Variants in EMG1 observed in about 807,000 individuals in gnomAD.
The protein encoded by EMG1 is ribosomal RNA small subunit methyltransferase NEP1.
In EMG1, 24 loss-of-function variants were observed where a neutral mutation model predicts 26.9. The ratio of observed to expected loss-of-function variants is 0.89; its 90% CI spans 0.65 to 1.26. The LOEUF is 1.26. EMG1 is among the 50% of genes most tolerant of loss of function. The probability of loss-of-function intolerance (pLI) is 0.00; values close to 1 mark genes in which losing one functional copy is unlikely to be tolerated. For synonymous variants in EMG1, 140 were observed against 112.6 expected (o/e 1.24, Z -1.54); for missense variants, 299 against 307.6 (o/e 0.97, Z 0.21).
At chr12:6,983,868 C>G (rs1555154480), downstream of EMG1, among the ~76,000 whole-genome samples, 1 of 152,172 alleles carries the variant, frequency 6.6e-6, no homozygotes, top group East Asian at 1.9e-4. Flanking sequence ...GGAAGCTAGG[C>G]ATGGTGGCTC....
chr12:6,977,385 C>A lies in EMG1; in HGVS notation c.*1576C>A. On this transcript the variant is annotated 3_prime_UTR_variant, in exon 6 of 6. Coordinates refer to ENST00000599672, the MANE Select transcript of EMG1 (RefSeq NM_006331.8). This position sits in a 1 kb window ranked among gnomAD's most constrained non-coding sequence, Gnocchi z 4.5. ...CACTTGCCTTAAGCCATTTGTCCCA[C>A]GTGAAGAGGCAGAAGGCAGTCATGG... 1 of 1,614,168 alleles carries A rather than the reference C, an allele frequency of 6.2e-7. No individual in the cohort carries two copies. Among genetic ancestry groups the A allele is most frequent in the Non-Finnish European group, 8.5e-7 (1 of 1,180,026 alleles).
Position 6,974,600 on chromosome 12 carries a change from C to T in EMG1, c.319C>T (p.Gln107Ter), listed in dbSNP as rs1555152797. The T allele has an allele frequency of 3.1e-6, 5 of 1,613,990 alleles. No homozygotes were observed. Among genetic ancestry groups the T allele is most frequent in the Non-Finnish European group, 8.5e-7 (1 of 1,179,878 alleles). ...DSPLNRAGLL[Q>*]VYIHTQKNVL... ...TCCCCTGAACCGAGCTGGCTTGCTACAGGTTTATATCCATACACAGAAGAA... is the reference window on the plus strand; with the variant it reads ...TCCCCTGAACCGAGCTGGCTTGCTATAGGTTTATATCCATACACAGAAGAA... Residue 107 changes from glutamine (Q) to a stop codon, truncating the protein, a stop_gained, in exon 3 of 6, where the codon CAG becomes TAG. Coordinates refer to ENST00000599672, the MANE Select transcript of EMG1 (RefSeq NM_006331.8). LOFTEE classifies it high-confidence loss of function.
chr12:6,996,136 A>G (rs1018202992), intron 7 of EMG1, among the ~76,000 whole-genome samples: 7 of 151,586 alleles, frequency 4.6e-5, no homozygotes, highest in African/African-American at 1.4e-4. Context: ...CCTCTGACTC[A>G]TCTCTCAATC....
intron 1 of EMG1, among the ~76,000 whole-genome samples, chr12:6,973,633 C>G (rs1454169037): frequency 1.3e-5 from 2 of 152,174 alleles, no homozygotes; most frequent in African/African-American, 4.8e-5. Flanking sequence ...AGCTCCGCCT[C>G]CTGGGTTCAT....
At chr12:6,996,734 A>G (rs973194645) in intron 7 of EMG1, among the ~76,000 whole-genome samples, 26 of 152,228 alleles carry the variant, frequency 1.7e-4, no homozygotes, top group Non-Finnish European at 3.7e-4. Flanking sequence ...AAATCAAACA[A>G]TGATGTTCTA....
In EMG1 at chr12:6,971,151, AG is replaced by A. The variant is rs1472819667; in HGVS notation, c.168+63del. ...CGATAGGTTGGGACTCCGTGGAATG[AG>A]GGTAAGGGGCCCAGAGTGGATGTAG... is the stretch of plus-strand genomic sequence containing the variant. On this transcript the variant is annotated intron_variant, in intron 1 of 5. Transcript: ENST00000599672. The A allele has an allele frequency of 2.4e-5, 34 of 1,404,814 alleles. No individual in the cohort carries two copies. The African/African-American group carries it at 4.8e-4, about 20-fold the overall frequency. 87.0% of individuals were successfully genotyped at this position (1,404,814 alleles called of 1,614,324 possible). A position where few individuals can be genotyped will look rare whatever the true frequency, so the allele number is the denominator to read the frequency against.
chr12:6,976,272 A>G lies in EMG1; in HGVS notation c.*463A>G, dbSNP rs1354718160. 3 of 152,150 alleles carry G rather than the reference A, an allele frequency of 2.0e-5. No homozygotes were observed. The highest frequency in any genetic ancestry group is 7.3e-5 in the African/African-American group (3 of 40,958). The allele number at this position is 152,150 out of a possible 1,614,324, so 9.4% of individuals were successfully genotyped here. ...CAGGCAGGGCCTTGCACCCCTCTCC[A>G]CCCCCCCATGGGGGGGGTGGTGGTA... is the stretch of plus-strand genomic sequence containing the variant. On this transcript the variant is annotated 3_prime_UTR_variant, in exon 6 of 6. Transcript: ENST00000599672.
chr12:6,971,623 C>T (rs1946330312), intron 1 of EMG1, among the ~76,000 whole-genome samples: 1 of 152,192 alleles, frequency 6.6e-6, no homozygotes, highest in Admixed American at 6.5e-5. Context: ...TTCTAGCCCT[C>T]ACCTCCTTGC....
downstream of EMG1, among the ~76,000 whole-genome samples, chr12:6,989,019 G>A (rs1470652833): frequency 3.3e-5 from 5 of 151,754 alleles, no homozygotes; most frequent in Admixed American, 1.3e-4. Flanking sequence ...CCAGCTACTC[G>A]GGAGGCTGAG....
downstream of EMG1, chr12:6,981,893 C>A (rs1206523420): frequency 5.6e-6 from 9 of 1,602,942 alleles, no homozygotes; most frequent in Non-Finnish European, 7.7e-6. Context: ...AGTATCCAGC[C>A]AGAAGGTAGG....
At chr12:6,993,407 C>T (rs1262166211) in intron 7 of EMG1, among the ~76,000 whole-genome samples, 3 of 151,624 alleles carry the variant, frequency 2.0e-5, no homozygotes, top group African/African-American at 7.3e-5. Flanking sequence ...GCACTCCAGC[C>T]TGGCAACAGA....
rs1408359551 is a variant in EMG1, at chr12:6,987,598, G to A, written c.*155-184G>A. Reference sequence around the variant, plus strand: ...TTATTTTTACTTTTGTTTTAGTAACGGGGTATAAATAAAAAAATATAAAAC... The same window carrying A: ...TTATTTTTACTTTTGTTTTAGTAACAGGGTATAAATAAAAAAATATAAAAC... On this transcript the variant is annotated intron_variant and NMD_transcript_variant, in intron 6 of 7. Transcript: ENST00000261406. This position sits in a 1 kb window ranked among gnomAD's most constrained non-coding sequence, Gnocchi z 4.1. Among the ~76,000 whole-genome samples the A allele has an allele frequency of 2.0e-5, 3 of 152,050 alleles. No individual in the cohort carries two copies. The highest frequency in any genetic ancestry group is 4.8e-5 in the African/African-American group (2 of 41,372).
downstream of EMG1, chr12:6,980,980 A>C (rs1555153981): frequency 2.2e-5 from 34 of 1,559,316 alleles, no homozygotes; most frequent in Non-Finnish European, 8.7e-7. Flanking sequence ...CTACACAAAC[A>C]TCTGGACCAA....
chr12:6,980,249 C>T (rs782756420), downstream of EMG1, among the ~76,000 whole-genome samples: 1 of 152,020 alleles, frequency 6.6e-6, no homozygotes, highest in Admixed American at 6.6e-5. Context: ...CACTATGTTG[C>T]CCAGGCTGGT....
In EMG1 at chr12:6,978,006, CCAGA is replaced by C. The variant is rs1351623599; in HGVS notation, c.*2200_*2203del. 3.5e-6 allele frequency: 2 copies of C among 565,310 alleles called. No individual in the cohort carries two copies. Among genetic ancestry groups the C allele is most frequent in the East Asian group, 3.0e-5 (1 of 32,824 alleles). 35.0% of individuals were successfully genotyped at this position (565,310 alleles called of 1,614,324 possible). A position where few individuals can be genotyped will look rare whatever the true frequency, so the allele number is the denominator to read the frequency against. On this transcript the variant is annotated 3_prime_UTR_variant, in exon 6 of 6. Coordinates refer to ENST00000599672, the MANE Select transcript of EMG1 (RefSeq NM_006331.8). Reference sequence around the variant, plus strand: ...GGCTGATGCTGAGATCAGTGGTGAACCAGACACTCTACTCAAGCTGCCCACACTC... The same window carrying C: ...GGCTGATGCTGAGATCAGTGGTGAACCACTCTACTCAAGCTGCCCACACTC...
At chr12:6,985,771 GTTTT>G (rs1220627223) in intron 6 of EMG1, among the ~76,000 whole-genome samples, 1 of 135,678 alleles carries the variant, frequency 7.4e-6, no homozygotes. Context: ...ATCAACTGGT[GTTTT>G]TTTTTTTTTT....
At chr12:6,981,844 T>C (rs1158828838), downstream of EMG1, 7 of 1,613,948 alleles carry the variant, frequency 4.3e-6, no homozygotes, top group Non-Finnish European at 5.9e-6. Context: ...CAATGTGGCA[T>C]TGTCCACTTG....
chr12:6,995,209 T>A (rs145321316), intron 7 of EMG1, among the ~76,000 whole-genome samples: 1 of 151,776 alleles, frequency 6.6e-6, no homozygotes, highest in Non-Finnish European at 1.5e-5. Flanking sequence ...GCATGGTGGC[T>A]CCACGTCTGT....
downstream of EMG1, chr12:6,980,733 G>C: frequency 3.6e-6 from 1 of 280,950 alleles, no homozygotes; most frequent in Non-Finnish European, 6.6e-6. Flanking sequence ...ATGAAAATAG[G>C]CTTTAAAGGC....
Sources: gnomAD v4.1 joint callset for allele counts (sites outside exome capture counted in the v4.1 genomes callset) on GRCh38, gnomAD v4.1.1 for gene constraint, Gnocchi (gnomAD v3.1) non-coding constraint, MANE v1.5 for transcripts, NCBI Gene and HGNC (gene_info 2026-07-23, HGNC 2026-07-21) for gene names.